PKD1L3: variants seen among roughly 807,000 people sequenced by gnomAD.
PKD1L3 encodes the protein polycystin 1 like 3, transient receptor potential channel interacting, also known as polycystin-1-like protein 3.
PKD1L3 carries 239 observed loss-of-function variants against 184.1 expected under a neutral mutation model. The observed-to-expected ratio is 1.30, with a 90% CI of 1.17 to 1.45. The LOEUF is 1.45. PKD1L3 is among the 40% of genes most tolerant of loss of function. The probability of loss-of-function intolerance (pLI) is 0.00; values close to 1 mark genes in which losing one functional copy is unlikely to be tolerated. For missense variants in PKD1L3, 2,660 were observed against 2,067.2 expected, an observed-to-expected ratio of 1.29 and a Z score of -5.56; for synonymous variants, 996 against 778.8, an observed-to-expected ratio of 1.28 and a Z score of -4.64.
chr16:71,984,020 G>T lies in PKD1L3; in HGVS notation c.966+16C>A, dbSNP rs2040265018. The stretch of plus-strand genomic sequence containing the variant: ...CTCTCTCCTACCTTCTTCCCTCCCA[G>T]TCACCCTCCACTTACCTGAGCTGGC... On this transcript the variant is annotated intron_variant, in intron 6 of 29. Coordinates refer to ENST00000620267, the MANE Select transcript of PKD1L3 (RefSeq NM_181536.2). 6.4e-7 allele frequency: 1 copy of T among 1,550,998 alleles called. No homozygotes were observed. The highest frequency in any genetic ancestry group is 1.4e-5 in the African/African-American group (1 of 72,946).
In PKD1L3 at chr16:71,967,197, G is replaced by A. The variant is rs1372105521; in HGVS notation, c.2405C>T (p.Ser802Phe). The A allele has an allele frequency of 2.6e-6, 4 of 1,551,626 alleles. No individual in the cohort carries two copies. Among genetic ancestry groups the A allele is most frequent in the Non-Finnish European group, 3.5e-6 (4 of 1,147,000 alleles). The change falls in exon 15 of 30, where the codon TCT (serine) becomes TTT (phenylalanine). Residue 802 changes from serine (S) to phenylalanine (F), a missense_variant. Ser to Phe is a radical substitution (Grantham distance 155, BLOSUM62 -2). Transcript: ENST00000620267. ...LDVFLLTTWT[S>F]LGNLHSLRLW... ...CCGAAGGCTGTGCAGGTTCCCTAGA[G>A]AGGTCCAAGTGGTGAGAAGGAAGAC... is the stretch of plus-strand genomic sequence containing the variant.
chr16:71,964,624 A>T (rs551676715), intron 15 of PKD1L3, among the ~76,000 whole-genome samples: 46 of 151,048 alleles, frequency 3.0e-4, no homozygotes, highest in Non-Finnish European at 5.9e-4. Context: ...CAGGCATGAG[A>T]CACCATGCCT....
chr16:71,998,512 G>A (rs2040866786), intron 1 of PKD1L3, 118 bp from the exon 2 acceptor site: 3 of 1,317,136 alleles, frequency 2.3e-6, no homozygotes, highest in Admixed American at 3.0e-5. Flanking sequence ...GTGCAGTGGT[G>A]TGATCTTCAC....
chr16:71,951,861 G>C, intron 18 of PKD1L3, 117 bp from the exon 19 acceptor site: 1 of 903,976 alleles, frequency 1.1e-6, no homozygotes. Context: ...TTAGCACAAA[G>C]AACCTCAATT....
intron 7 of PKD1L3, 116 bp from the exon 8 acceptor site, chr16:71,980,250 G>A: frequency 7.6e-7 from 1 of 1,311,526 alleles, no homozygotes. Context: ...ATGAAGGGTA[G>A]TATTCCTTAG....
chr16:71,948,802 G>GAAAAAAAAAAA (rs2038717117), intron 21 of PKD1L3, among the ~76,000 whole-genome samples: 1 of 9,138 alleles, frequency 1.1e-4, no homozygotes, highest in African/African-American at 3.0e-4. Flanking sequence ...CTTACATATA[G>GAAAAAAAAAAA]TAAAAAAAAA....
At chr16:71,947,979 C>T (rs965377998) in intron 21 of PKD1L3, among the ~76,000 whole-genome samples, 1 of 151,434 alleles carries the variant, frequency 6.6e-6, no homozygotes, top group East Asian at 1.9e-4. Flanking sequence ...TGCAGTGGCG[C>T]AATCTCGGCT....
intron 16 of PKD1L3, among the ~76,000 whole-genome samples, chr16:71,962,907 T>C (rs965407804): frequency 2.6e-5 from 4 of 152,222 alleles, no homozygotes; most frequent in African/African-American, 9.6e-5. Context: ...ATTCCATTGA[T>C]CTGAGTGATT....
rs1279459161 is a variant in PKD1L3, at chr16:71,942,613, A to C, written c.4271T>G (p.Leu1424Arg). 1.3e-6 allele frequency: 2 copies of C among 1,551,538 alleles called. No homozygotes were observed. ...ATTCTTGCTTGTCAGCCTTTCGTGA[A>C]GCTCATCAGTGGGAATCAGCACCAT... ...RPMVLIPTDE[L>R]HERLTSKNEN... The change falls in exon 24 of 30, where the codon CTT becomes CGT. Residue 1424 changes from leucine (L) to arginine (R), a missense_variant. By Grantham distance (102) the Leu-to-Arg change is moderately radical. Transcript: ENST00000620267.
intron 22 of PKD1L3, among the ~76,000 whole-genome samples, chr16:71,945,286 A>G (rs1336555473): frequency 1.7e-5 from 1 of 60,154 alleles, no homozygotes; most frequent in Non-Finnish European, 2.7e-5. Flanking sequence ...ATATATATAT[A>G]TATATATATA....
intron 3 of PKD1L3, among the ~76,000 whole-genome samples, chr16:71,992,869 C>A (rs976792212): frequency 2.0e-5 from 3 of 152,134 alleles, no homozygotes; most frequent in African/African-American, 7.2e-5. Flanking sequence ...TGCATCCTTC[C>A]CAAATAGTAC....
intron 4 of PKD1L3, 51 bp downstream of exon 4, chr16:71,990,229 T>G (rs2040535288): frequency 7.0e-7 from 1 of 1,432,330 alleles, no homozygotes; most frequent in Non-Finnish European, 9.6e-7. Flanking sequence ...CTACTAGGTA[T>G]GACAAAGAGA....
chr16:71,963,234 T>C lies in PKD1L3; in HGVS notation c.2583A>G (p.Pro861=). The change falls in exon 16 of 30, where the codon CCA becomes CCG. Residue 861 remains proline, a synonymous_variant. Transcript: ENST00000620267. ...GDCELDRVFI[P]VSKRELFSFR... is the part of the protein sequence containing the mutation. Reference sequence around the variant, plus strand: ...AGGAAAAGAGCTCTCTCTTTGAAACTGGGATGAAGACCCGGTCAAGCTCAC... The same window carrying C: ...AGGAAAAGAGCTCTCTCTTTGAAACCGGGATGAAGACCCGGTCAAGCTCAC... 2 of 1,551,078 alleles carry C rather than the reference T, an allele frequency of 1.3e-6. No individual in the cohort carries two copies. Among genetic ancestry groups the C allele is most frequent in the Non-Finnish European group, 1.7e-6 (2 of 1,146,692 alleles).
chr16:71,973,184 C>A, intron 12 of PKD1L3, 140 bp downstream of exon 12: 1 of 1,028,308 alleles, frequency 9.7e-7, no homozygotes, highest in South Asian at 1.6e-5. Flanking sequence ...AACCCTCCTC[C>A]CTCCTTTTGC....
At chr16:71,977,701 C>G (rs2039986466) in intron 10 of PKD1L3, among the ~76,000 whole-genome samples, 1 of 149,410 alleles carries the variant, frequency 6.7e-6, no homozygotes, top group African/African-American at 2.5e-5. Context: ...CCAGCCAGGT[C>G]TTCCTCATTG....
chr16:71,997,371 G>C (rs1302509692), intron 2 of PKD1L3, among the ~76,000 whole-genome samples: 1 of 151,206 alleles, frequency 6.6e-6, no homozygotes, highest in African/African-American at 2.4e-5. Flanking sequence ...AGGATTGCTT[G>C]AGTCCAGGAG....
chr16:71,987,981 G>C (rs1442861055), intron 4 of PKD1L3, among the ~76,000 whole-genome samples: 1 of 152,154 alleles, frequency 6.6e-6, no homozygotes, highest in African/African-American at 2.4e-5. Context: ...CCCAGGGCCA[G>C]GGGAGTGTCA....
rs775878596 is a variant in PKD1L3 at position 71,963,272 on chromosome 16, C to G, written c.2545G>C (p.Asp849His). The change falls in exon 16 of 30, where the codon GAC becomes CAC. Residue 849 changes from aspartate (D) to histidine (H), a missense_variant. Transcript: ENST00000620267. ...CGGTCAAGCTCACAGTCTCCGAGGT[C>G]CACAGCCAGCCAGCAATTGCACAGG... Reference protein sequence around the residue: ...HFLCNCWLAVDLGDCELDRVF... With the variant: ...HFLCNCWLAVHLGDCELDRVF... 4 of 1,551,522 alleles carry G rather than the reference C, an allele frequency of 2.6e-6. No homozygotes were observed. Among genetic ancestry groups the G allele is most frequent in the Middle Eastern group, 1.7e-4 (1 of 5,992 alleles).
chr16:71,977,557 G>GGTCTGC, intron 10 of PKD1L3, 90 bp from the exon 11 acceptor site: 1 of 671,624 alleles, frequency 1.5e-6, no homozygotes, highest in Non-Finnish European at 2.2e-6. Flanking sequence ...AAACGTCCTA[G>GGTCTGC]CTCTTTTTTT....
Sources: gnomAD v4.1 joint callset for allele counts (sites outside exome capture counted in the v4.1 genomes callset) on GRCh38, gnomAD v4.1.1 for gene constraint, MANE v1.5 for transcripts, NCBI Gene and HGNC (gene_info 2026-07-23, HGNC 2026-07-21) for gene names.